The following STAT4 variants were observed in gnomAD, a reference collection of about 807,000 sequenced individuals.
STAT4 encodes signal transducer and activator of transcription 4.
In STAT4, 42 loss-of-function variants were observed where a neutral mutation model predicts 110.5. That is an observed-to-expected ratio of 0.38 (90% CI 0.30 to 0.49). The LOEUF (loss-of-function observed/expected upper bound fraction) is 0.49, where lower values mean the gene tolerates loss of function less well. STAT4 is among the 20% of genes least tolerant of loss of function. STAT4 has a pLI of 0.95. For synonymous variants in STAT4, 284 were observed against 302.2 expected (o/e 0.94, Z 0.63); for missense variants, 632 against 887.9 (o/e 0.71, Z 3.66).
At position 191,104,165 on chromosome 2, in the gene STAT4, A is replaced by G. The variant is rs757017405; in HGVS notation, c.274-27840T>C. On this transcript the variant is annotated intron_variant, in intron 3 of 23. Coordinates refer to ENST00000392320, the MANE Select transcript of STAT4 (RefSeq NM_003151.4). This position sits in a 1 kb window ranked among gnomAD's most constrained non-coding sequence, Gnocchi z 4.3. ...AAGACAAGAAAAAATATACTAAAGT[A>G]TCAACAGTGGTTGCAAATCTGGATG... Among the ~76,000 whole-genome samples, 1 of 152,326 alleles carries G rather than the reference A, an allele frequency of 6.6e-6. No homozygotes were observed. Among genetic ancestry groups the G allele is most frequent in the Non-Finnish European group, 1.5e-5 (1 of 68,016 alleles).
chr2:191,103,251 T>C (rs897620233), intron 3 of STAT4, among the ~76,000 whole-genome samples: 5 of 152,130 alleles, frequency 3.3e-5, no homozygotes, highest in African/African-American at 9.7e-5. Flanking sequence ...GCATGTGTCT[T>C]TAGGTAATGT....
chr2:191,042,849 G>A lies in STAT4; in HGVS notation c.1252-1701C>T, dbSNP rs1461480845. 6.6e-6 allele frequency among the ~76,000 whole-genome samples: 1 copy of A among 151,088 alleles called. No individual in the cohort carries two copies. The highest frequency in any genetic ancestry group is 6.6e-5 in the Admixed American group (1 of 15,168). On this transcript the variant is annotated intron_variant, in intron 14 of 23. Coordinates refer to ENST00000392320, the MANE Select transcript of STAT4 (RefSeq NM_003151.4). This position sits in a 1 kb window ranked among gnomAD's most constrained non-coding sequence, Gnocchi z 4.2. ...GGCTGGAGTGCAGTGGCACAATCTC[G>A]GCTCACTGCAACCTCCGCCTCCTGG...
At chr2:191,095,007 A>C (rs1697927329) in intron 3 of STAT4, among the ~76,000 whole-genome samples, 2 of 152,102 alleles carry the variant, frequency 1.3e-5, no homozygotes, top group African/African-American at 4.8e-5. Flanking sequence ...GAGACAAAGA[A>C]GGCCATCACA....
chr2:191,109,148 C>A (rs559528139), intron 3 of STAT4, among the ~76,000 whole-genome samples: 4 of 152,176 alleles, frequency 2.6e-5, no homozygotes, highest in Non-Finnish European at 5.9e-5. Flanking sequence ...GGTCGCAGGG[C>A]ATCACTAGGA....
Position 191,033,712 on chromosome 2 carries a change from T to C in STAT4, c.1716-86A>G. On this transcript the variant is annotated intron_variant, in intron 19 of 23. Coordinates refer to ENST00000392320, the MANE Select transcript of STAT4 (RefSeq NM_003151.4). The surrounding 1 kb of genome is among the most constrained non-coding windows in gnomAD (Gnocchi z 6.9). ...ACAAAGACCTACAGTTTGTTTTGAGTGTAATCAAAAGTCATTCTTACCTGA... is the reference window on the plus strand; with the variant it reads ...ACAAAGACCTACAGTTTGTTTTGAGCGTAATCAAAAGTCATTCTTACCTGA... 1 of 1,544,460 alleles carries C rather than the reference T, an allele frequency of 6.5e-7. No individual in the cohort carries two copies. Among genetic ancestry groups the C allele is most frequent in the Non-Finnish European group, 8.7e-7 (1 of 1,145,826 alleles).
intron 3 of STAT4, among the ~76,000 whole-genome samples, chr2:191,108,354 T>C (rs1260672345): frequency 6.6e-6 from 1 of 151,924 alleles, no homozygotes; most frequent in African/African-American, 2.4e-5. Flanking sequence ...ATAAGAGAAC[T>C]TAGTGAGAAA....
intron 3 of STAT4, among the ~76,000 whole-genome samples, chr2:191,093,750 G>C (rs1468708510): frequency 6.6e-6 from 1 of 152,184 alleles, no homozygotes; most frequent in Non-Finnish European, 1.5e-5. Context: ...TTGACGAGCT[G>C]ACAGAAGTAG....
chr2:191,050,054 T>C lies in STAT4; in HGVS notation c.1251+4436A>G, dbSNP rs1325576912. On this transcript the variant is annotated intron_variant, in intron 14 of 23. Coordinates refer to ENST00000392320, the MANE Select transcript of STAT4 (RefSeq NM_003151.4). The surrounding 1 kb of genome is among the most constrained non-coding windows in gnomAD (Gnocchi z 4.3). ...GAAACTCAAGTCACCCAGGCTTTAC[T>C]AATAGCTTCATTGTGCTTCATGACT... 1.3e-5 allele frequency among the ~76,000 whole-genome samples: 2 copies of C among 152,216 alleles called. No individual in the cohort carries two copies. Among genetic ancestry groups the C allele is most frequent in the Non-Finnish European group, 2.9e-5 (2 of 68,044 alleles).
Position 191,029,987 on chromosome 2 carries a change from G to C in STAT4, c.2221-121C>G. ...TACTCCATAATTTTTCTATTACCTA[G>C]TTAAAATACTTAAACTAAGTATTTG... is the stretch of plus-strand genomic sequence containing the variant. On this transcript the variant is annotated intron_variant, in intron 23 of 23. Transcript: ENST00000392320. The surrounding 1 kb of genome is among the most constrained non-coding windows in gnomAD (Gnocchi z 4.5). The C allele has an allele frequency of 1.3e-6, 1 of 765,640 alleles. No homozygotes were observed. The highest frequency in any genetic ancestry group is 1.7e-5 in the South Asian group (1 of 58,566). 47.4% of individuals were successfully genotyped at this position (765,640 alleles called of 1,614,324 possible). A position where few individuals can be genotyped will look rare whatever the true frequency, so the allele number is the denominator to read the frequency against.
At chr2:191,121,020 C>T (rs1368553788) in intron 3 of STAT4, among the ~76,000 whole-genome samples, 1 of 152,146 alleles carries the variant, frequency 6.6e-6, no homozygotes, top group Non-Finnish European at 1.5e-5. Context: ...GCAATCTACT[C>T]ATCTGACAAA....
chr2:191,109,256 CTT>C (rs1200605891), intron 3 of STAT4, among the ~76,000 whole-genome samples: 3 of 151,954 alleles, frequency 2.0e-5, no homozygotes, highest in Non-Finnish European at 4.4e-5. Flanking sequence ...TTCAAAGAAA[CTT>C]ATAAAATATA....
rs575396891 is a variant in STAT4 at position 191,066,326 on chromosome 2, A to G, written c.630+104T>C. The G allele has an allele frequency of 5.5e-5, 56 of 1,024,236 alleles. 1 individual carries two copies. In the South Asian group the frequency reaches 7.9e-4, roughly 14 times the overall value. 63.4% of individuals were successfully genotyped at this position (1,024,236 alleles called of 1,614,324 possible). A position where few individuals can be genotyped will look rare whatever the true frequency, so the allele number is the denominator to read the frequency against. On this transcript the variant is annotated intron_variant, in intron 7 of 23. Transcript: ENST00000392320. This position sits in a 1 kb window ranked among gnomAD's most constrained non-coding sequence, Gnocchi z 4.3. ...AAACCTTGCCGTTTCTTCATTCAGT[A>G]AATGGAACTGATAAAATCTGACAGC...
At position 191,146,593 on chromosome 2, in the gene STAT4, A is replaced by G; in HGVS notation, c.273+20T>C. 6.8e-7 allele frequency: 1 copy of G among 1,462,424 alleles called. No homozygotes were observed. The highest frequency in any genetic ancestry group is 9.1e-7 in the Non-Finnish European group (1 of 1,102,486). 90.6% of individuals were successfully genotyped at this position (1,462,424 alleles called of 1,614,324 possible). A position where few individuals can be genotyped will look rare whatever the true frequency, so the allele number is the denominator to read the frequency against. On this transcript the variant is annotated intron_variant, in intron 3 of 23. Coordinates refer to ENST00000392320, the MANE Select transcript of STAT4 (RefSeq NM_003151.4). This position sits in a 1 kb window ranked among gnomAD's most constrained non-coding sequence, Gnocchi z 4.5. ...GACTCATATATCCAAATATTTTGGA[A>G]AAGTAGAATGCATTCTTACCTGAAG...
At position 191,090,093 on chromosome 2, in the gene STAT4, G is replaced by T. The variant is rs1697749048; in HGVS notation, c.274-13768C>A. On this transcript the variant is annotated intron_variant, in intron 3 of 23. Coordinates refer to ENST00000392320, the MANE Select transcript of STAT4 (RefSeq NM_003151.4). The surrounding 1 kb of genome is among the most constrained non-coding windows in gnomAD (Gnocchi z 4.2). ...TATAATATTGTAATAATATAAAATT[G>T]TAACAAGTACATCACACTAATGTAA... Among the ~76,000 whole-genome samples the T allele has an allele frequency of 6.6e-6, 1 of 152,072 alleles. No individual in the cohort carries two copies. The highest frequency in any genetic ancestry group is 1.5e-5 in the Non-Finnish European group (1 of 68,006).
intron 3 of STAT4, chr2:191,131,838 C>T (rs1009308940): frequency 1.2e-5 from 17 of 1,445,972 alleles, no homozygotes; most frequent in Admixed American, 1.1e-4. Context: ...AAGATTTGGA[C>T]CTTTGAATGC....
intron 3 of STAT4, among the ~76,000 whole-genome samples, chr2:191,133,520 T>A (rs954167472): frequency 6.6e-6 from 1 of 151,694 alleles, no homozygotes; most frequent in African/African-American, 2.4e-5. Flanking sequence ...TCCATCTGCA[T>A]ATATACATGT....
chr2:191,132,992 G>C (rs1699084703), intron 3 of STAT4, among the ~76,000 whole-genome samples: 1 of 151,414 alleles, frequency 6.6e-6, no homozygotes, highest in Non-Finnish European at 1.5e-5. Flanking sequence ...CTGACCTCGT[G>C]ATCTGCCCAC....
At position 191,076,738 on chromosome 2, in the gene STAT4, C is replaced by A. The variant is rs553677591; in HGVS notation, c.274-413G>T. ...TCAGCTCACCACAACCTCCACCTCC[C>A]GGGTTCAAGTGATTCTCCTGCCTCA... On this transcript the variant is annotated intron_variant, in intron 3 of 23. Coordinates refer to ENST00000392320, the MANE Select transcript of STAT4 (RefSeq NM_003151.4). Among the ~76,000 whole-genome samples the A allele has an allele frequency of 1.8e-4, 27 of 151,778 alleles. No individual in the cohort carries two copies. The South Asian group carries it at 4.8e-3, about 27-fold the overall frequency.
At position 191,030,799 on chromosome 2, in the gene STAT4, A is replaced by G. The variant is rs1695870030; in HGVS notation, c.2220+173T>C. ...AAGGTGTCTGCTTTCAATACGCATAATATCAGCAACACGCAGGACCATCCA... is the reference window on the plus strand; with the variant it reads ...AAGGTGTCTGCTTTCAATACGCATAGTATCAGCAACACGCAGGACCATCCA... On this transcript the variant is annotated intron_variant, in intron 23 of 23. Coordinates refer to ENST00000392320, the MANE Select transcript of STAT4 (RefSeq NM_003151.4). This position sits in a 1 kb window ranked among gnomAD's most constrained non-coding sequence, Gnocchi z 4.4. 2 of 580,348 alleles carry G rather than the reference A, an allele frequency of 3.4e-6. No homozygotes were observed. The highest frequency in any genetic ancestry group is 2.0e-5 in the South Asian group (1 of 48,812). The allele number at this position is 580,348 out of a possible 1,614,324, so 35.9% of individuals were successfully genotyped here. A position where few individuals can be genotyped will look rare whatever the true frequency, so the allele number is the denominator to read the frequency against.
Sources: gnomAD v4.1 joint callset for allele counts (sites outside exome capture counted in the v4.1 genomes callset) on GRCh38, gnomAD v4.1.1 for gene constraint, Gnocchi (gnomAD v3.1) non-coding constraint, MANE v1.5 for transcripts, NCBI Gene and HGNC (gene_info 2026-07-23, HGNC 2026-07-21) for gene names.